Variants in CNIH3 observed in about 807,000 individuals in gnomAD.
CNIH3 encodes protein cornichon homolog 3.
CNIH3 carries 14 observed loss-of-function variants against 24.1 expected under a neutral mutation model. The ratio of observed to expected loss-of-function variants is 0.58; its 90% CI spans 0.38 to 0.91. The LOEUF is 0.91. CNIH3 is among the 40% of genes least tolerant of loss of function. The probability of loss-of-function intolerance (pLI) is 0.00; values close to 1 mark genes in which losing one functional copy is unlikely to be tolerated. For missense variants in CNIH3, 178 were observed against 196.8 expected (o/e 0.90, Z 0.57); for synonymous variants, 68 against 73.8 (o/e 0.92, Z 0.40).
rs552839482 is a variant in CNIH3 at position 224,734,622 on chromosome 1, A to T, written c.371A>T (p.Asn124Ile). Residue 124 changes from asparagine (N) to isoleucine (I), a missense_variant, in exon 5 of 6, where the codon AAT becomes ATT. By Grantham distance (149) the Asn-to-Ile change is moderately radical. Coordinates refer to ENST00000272133, the MANE Select transcript of CNIH3 (RefSeq NM_152495.2). ...ELAYDPPVVM[N>I]ADTLSYCQKE... ...GCCTACGACCCACCGGTGGTCATGA[A>T]TGCCGACACTTTGAGTTACTGTCAG... The T allele has an allele frequency of 3.7e-6, 6 of 1,613,998 alleles. No homozygotes were observed. The highest frequency in any genetic ancestry group is 5.1e-6 in the Non-Finnish European group (6 of 1,180,002).
At position 224,492,581 on chromosome 1, in the gene CNIH3, C is replaced by T. The variant is rs1677274887; in HGVS notation, n.204-23160C>T. 2.6e-5 allele frequency among the ~76,000 whole-genome samples: 4 copies of T among 152,300 alleles called. No individual in the cohort carries two copies. In the South Asian group the frequency reaches 6.2e-4, roughly 24 times the overall value. ...AGATAAAATCTATTAATATATTCTA[C>T]ATAATCATTATTGTTTGAAGTTTTT... On this transcript the variant is annotated intron_variant and non_coding_transcript_variant, in intron 1 of 5. Transcript: ENST00000471578.
chr1:224,463,241 G>T (rs1485715575), intron 1 of CNIH3, among the ~76,000 whole-genome samples: 1 of 152,104 alleles, frequency 6.6e-6, no homozygotes, highest in Non-Finnish European at 1.5e-5. Context: ...CAAAGTGCTT[G>T]TACTGTTTTC....
intron 3 of CNIH3, among the ~76,000 whole-genome samples, chr1:224,552,079 A>G (rs986926876): frequency 6.6e-6 from 1 of 151,400 alleles, no homozygotes; most frequent in Non-Finnish European, 1.5e-5. Context: ...ACAGGGGGTG[A>G]ACACACATGG....
At chr1:224,486,244 T>C (rs910992405) in intron 1 of CNIH3, among the ~76,000 whole-genome samples, 2 of 152,022 alleles carry the variant, frequency 1.3e-5, no homozygotes, top group Non-Finnish European at 2.9e-5. Context: ...AAGCTGGGAC[T>C]ACAGGGGCAT....
chr1:224,510,035 C>G (rs762194002), intron 1 of CNIH3, among the ~76,000 whole-genome samples: 2 of 152,230 alleles, frequency 1.3e-5, no homozygotes, highest in Non-Finnish European at 2.9e-5. Context: ...TCTTAGTCTG[C>G]TTCCCGTGGG....
chr1:224,603,576 T>C (rs1682293732), intron 3 of CNIH3, among the ~76,000 whole-genome samples: 1 of 152,222 alleles, frequency 6.6e-6, no homozygotes, highest in Non-Finnish European at 1.5e-5. Flanking sequence ...ACAAAGCTTT[T>C]AACAGTGAAC....
chr1:224,621,882 G>A (rs2125066597), intron 1 of CNIH3, among the ~76,000 whole-genome samples: 1 of 152,288 alleles, frequency 6.6e-6, no homozygotes, highest in Middle Eastern at 3.4e-3. Flanking sequence ...AGGATCTGGT[G>A]GGAGGTAATT....
intron 1 of CNIH3, among the ~76,000 whole-genome samples, chr1:224,438,242 C>T (rs183965516): frequency 6.8e-5 from 10 of 147,356 alleles, no homozygotes; most frequent in Non-Finnish European, 1.2e-4. Flanking sequence ...TTTTTAAATA[C>T]AGACACAGTC....
intron 1 of CNIH3, among the ~76,000 whole-genome samples, chr1:224,489,492 G>A (rs1005314024): frequency 5.9e-5 from 9 of 152,094 alleles, no homozygotes; most frequent in Middle Eastern, 3.2e-3. Flanking sequence ...GATAAAAGCC[G>A]TAAAAATGGG....
At chr1:224,437,813 A>G (rs1674726867) in intron 1 of CNIH3, among the ~76,000 whole-genome samples, 1 of 152,202 alleles carries the variant, frequency 6.6e-6, no homozygotes, top group African/African-American at 2.4e-5. Flanking sequence ...AAAAAGTTTG[A>G]AAAACGTTCC....
At position 224,739,629 on chromosome 1, in the gene CNIH3, A is replaced by G. The variant is rs994368328; in HGVS notation, c.*273A>G. The G allele has an allele frequency of 9.1e-6, 5 of 551,992 alleles. No individual in the cohort carries two copies. The Admixed American group carries it at 1.5e-4, about 16-fold the overall frequency. 34.2% of individuals were successfully genotyped at this position (551,992 alleles called of 1,614,324 possible). The stretch of plus-strand genomic sequence containing the variant: ...CTGAGCATCAGTGGTGTGGGGGAGT[A>G]GGTGACGAAACACTAGACCTCTCCT... On this transcript the variant is annotated 3_prime_UTR_variant, in exon 6 of 6. Transcript: ENST00000272133.
upstream of CNIH3, among the ~76,000 whole-genome samples, chr1:224,511,397 A>C (rs188122240): frequency 2.4e-4 from 36 of 152,378 alleles, no homozygotes; most frequent in African/African-American, 8.2e-4. Flanking sequence ...AAAAGCCACT[A>C]TGTAAATAGC....
intron 1 of CNIH3, among the ~76,000 whole-genome samples, chr1:224,467,570 G>T (rs1676198404): frequency 6.6e-6 from 1 of 152,022 alleles, no homozygotes; most frequent in Non-Finnish European, 1.5e-5. Context: ...ATTACAGGCA[G>T]GTGCCACCAA....
At chr1:224,511,017 C>T (rs867883630), upstream of CNIH3, among the ~76,000 whole-genome samples, 15 of 152,220 alleles carry the variant, frequency 9.9e-5, no homozygotes, top group Admixed American at 3.3e-4. Flanking sequence ...AAAAAGATCT[C>T]TGTTTATGCA....
chr1:224,536,642 A>G (rs1042565453), intron 2 of CNIH3, among the ~76,000 whole-genome samples: 1 of 152,160 alleles, frequency 6.6e-6, no homozygotes, highest in East Asian at 1.9e-4. Flanking sequence ...GAGCCCTTTA[A>G]TGCTCCAAGG....
intron 3 of CNIH3, among the ~76,000 whole-genome samples, chr1:224,727,419 C>T (rs1689091346): frequency 6.6e-6 from 1 of 152,164 alleles, no homozygotes. Context: ...GAGTACCCAC[C>T]ATCCTAAATG....
intron 1 of CNIH3, among the ~76,000 whole-genome samples, chr1:224,477,400 C>T (rs565276948): frequency 1.3e-5 from 2 of 152,322 alleles, no homozygotes; most frequent in African/African-American, 4.8e-5. Context: ...CTTCTGCCTG[C>T]TTATATTGGA....
chr1:224,661,740 G>T, intron 1 of CNIH3: 2 of 196,794 alleles, frequency 1.0e-5, no homozygotes, highest in Non-Finnish European at 1.1e-5. Context: ...CTCACGTCTC[G>T]GCTACTTGTT....
intron 3 of CNIH3, among the ~76,000 whole-genome samples, chr1:224,551,657 A>T (rs530227424): frequency 1.7e-4 from 26 of 152,228 alleles, no homozygotes; most frequent in African/African-American, 5.8e-4. Flanking sequence ...ATGTTATTTC[A>T]TTAATATCAC....
Sources: gnomAD v4.1 joint callset for allele counts (sites outside exome capture counted in the v4.1 genomes callset) on GRCh38, gnomAD v4.1.1 for gene constraint, MANE v1.5 for transcripts, NCBI Gene and HGNC (gene_info 2026-07-23, HGNC 2026-07-21) for gene names.